Variants in GPR132 observed in about 807,000 individuals in gnomAD.
GPR132 encodes probable G protein-coupled receptor 132.
A neutral mutation model predicts 1.9 loss-of-function variants in GPR132; 4 were observed. The ratio of observed to expected loss-of-function variants is 2.13; its 90% CI spans 1.05 to 4.87. GPR132 has a LOEUF of 4.87. GPR132 is among the 30% of genes most tolerant of loss of function. GPR132 has a pLI of 0.01. For synonymous variants in GPR132, 233 were observed against 234.2 expected (o/e 0.99, Z 0.05); for missense variants, 404 against 512.5 (o/e 0.79, Z 2.04).
chr14:105,061,355 C>T (rs1886937820), intron 1 of GPR132, among the ~76,000 whole-genome samples: 1 of 152,246 alleles, frequency 6.6e-6, no homozygotes, highest in Non-Finnish European at 1.5e-5. Flanking sequence ...CTTCCTGGAC[C>T]AGGGTCCGGG....
intron 3 of GPR132, chr14:105,054,446 CG>C (rs1886734304): frequency 2.6e-6 from 2 of 773,972 alleles, no homozygotes; most frequent in Non-Finnish European, 1.5e-6. Flanking sequence ...TTTTTTGAGA[CG>C]TAGTCTCAAA....
At chr14:105,054,398 G>T (rs1886730776) in intron 3 of GPR132, 2 of 984,698 alleles carry the variant, frequency 2.0e-6, no homozygotes, top group Admixed American at 1.2e-4. Flanking sequence ...GGTCAGCCCT[G>T]CGGCCCCATT....
rs1042479741 is a variant in GPR132, at chr14:105,056,256, G to A, written c.-746-90C>T. ...AAGACACAGGCCTGTGGCGGGCGGC[G>A]GGGGGCAGTGAAGGCAGTTCTCGGG... On this transcript the variant is annotated intron_variant, in intron 2 of 3. Transcript: ENST00000329797. The surrounding 1 kb of genome is among the most constrained non-coding windows in gnomAD (Gnocchi z 6.0). 79 of 756,974 alleles carry A rather than the reference G, an allele frequency of 1.0e-4. No homozygotes were observed. The highest frequency in any genetic ancestry group is 1.9e-4 in the Admixed American group (3 of 15,984). 46.9% of individuals were successfully genotyped at this position (756,974 alleles called of 1,614,324 possible).
chr14:105,051,145 A>G lies in GPR132; in HGVS notation c.992T>C (p.Met331Thr), dbSNP rs768903986. Residue 331 changes from methionine (M) to threonine (T), a missense_variant, in exon 4 of 4, where the codon ATG becomes ACG. Physicochemically the swap from Met to Thr is moderately conservative, Grantham distance 81 (BLOSUM62 -1). Transcript: ENST00000329797. This position sits in a 1 kb window ranked among gnomAD's most constrained non-coding sequence, Gnocchi z 8.0. ...GGTGAGCCTGGTGACGTCTGTCTTC[A>G]TGGACCACTCTTTCCACCCCTTATG... ...RIHKGWKEWS[M>T]KTDVTRLTHS... 3 of 1,614,122 alleles carry G rather than the reference A, an allele frequency of 1.9e-6. No homozygotes were observed. The highest frequency in any genetic ancestry group is 1.3e-5 in the African/African-American group (1 of 75,018).
intron 2 of GPR132, 40 bp downstream of exon 2, chr14:105,057,127 C>T (rs1420332791): frequency 2.7e-6 from 4 of 1,495,808 alleles, no homozygotes; most frequent in Non-Finnish European, 3.6e-6. Flanking sequence ...TTCTCATGGG[C>T]TTCCTCTTAC....
At position 105,050,376 on chromosome 14, in the gene GPR132, G is replaced by A. The variant is rs1886600234; in HGVS notation, c.*618C>T. 1.3e-5 allele frequency: 2 copies of A among 153,572 alleles called. No homozygotes were observed. The highest frequency in any genetic ancestry group is 2.4e-5 in the African/African-American group (1 of 41,472). 9.5% of individuals were successfully genotyped at this position (153,572 alleles called of 1,614,324 possible). A position where few individuals can be genotyped will look rare whatever the true frequency, so the allele number is the denominator to read the frequency against. On this transcript the variant is annotated 3_prime_UTR_variant, in exon 4 of 4. Transcript: ENST00000329797. The surrounding 1 kb of genome is among the most constrained non-coding windows in gnomAD (Gnocchi z 4.0). ...GGGGCTCCCCGTTGAGGACGCCTGGGCTGCGCTCTGGGAGCCAGCAGCTGG... is the reference window on the plus strand; with the variant it reads ...GGGGCTCCCCGTTGAGGACGCCTGGACTGCGCTCTGGGAGCCAGCAGCTGG...
In GPR132 at chr14:105,051,050, C is replaced by T. The variant is rs756464260; in HGVS notation, c.1087G>A (p.Val363Met). 7.6e-5 allele frequency: 123 copies of T among 1,613,986 alleles called. No individual in the cohort carries two copies. In the Admixed American group the frequency reaches 1.3e-3, roughly 17 times the overall value. Residue 363 changes from valine to methionine, a missense_variant, in exon 4 of 4, where the codon GTG becomes ATG. By Grantham distance (21) the Val-to-Met change is conservative. Transcript: ENST00000329797. This position sits in a 1 kb window ranked among gnomAD's most constrained non-coding sequence, Gnocchi z 8.0. ...LADHYTFSRPVHPPGSPCPAK... is the reference protein window; with the variant it reads ...LADHYTFSRPMHPPGSPCPAK... Reference sequence around the variant, plus strand: ...GGGCATGGTGACCCTGGTGGGTGCACGGGCCTGGAGAAGGTGTAGTGGTCT... The same window carrying T: ...GGGCATGGTGACCCTGGTGGGTGCATGGGCCTGGAGAAGGTGTAGTGGTCT...
chr14:105,050,725 G>T lies in GPR132; in HGVS notation c.*269C>A, dbSNP rs1886610095. 2 of 509,026 alleles carry T rather than the reference G, an allele frequency of 3.9e-6. No individual in the cohort carries two copies. The highest frequency in any genetic ancestry group is 1.9e-5 in the African/African-American group (1 of 52,590). The allele number at this position is 509,026 out of a possible 1,614,324, so 31.5% of individuals were successfully genotyped here. On this transcript the variant is annotated 3_prime_UTR_variant, in exon 4 of 4. Coordinates refer to ENST00000329797, the MANE Select transcript of GPR132 (RefSeq NM_013345.4). The surrounding 1 kb of genome is among the most constrained non-coding windows in gnomAD (Gnocchi z 4.0). ...ACAGCCAAGGGAGCCAGCCAGGCAG[G>T]CTGCTGATGAAGAGGCCCCACTGCC...
chr14:105,054,427 CT>C (rs59700022), intron 3 of GPR132: 9,482 of 846,068 alleles, frequency 0.011, no homozygotes, highest in Middle Eastern at 0.018. Flanking sequence ...CTTTTTTTTT[CT>C]TTTTTTTTTT....
Position 105,059,982 on chromosome 14 carries a change from C to T in GPR132, c.-860-2702G>A, listed in dbSNP as rs182019645. On this transcript the variant is annotated intron_variant, in intron 1 of 3. Transcript: ENST00000329797. The surrounding 1 kb of genome is among the most constrained non-coding windows in gnomAD (Gnocchi z 4.2). Reference sequence around the variant, plus strand: ...AAGAAAAGCCATCTCCAAAGTGATGCCCCCTTGGCGGTGGGTGGTGTGGGC... The same window carrying T: ...AAGAAAAGCCATCTCCAAAGTGATGTCCCCTTGGCGGTGGGTGGTGTGGGC... 2.2e-4 allele frequency among the ~76,000 whole-genome samples: 33 copies of T among 152,364 alleles called. No individual in the cohort carries two copies. The highest frequency in any genetic ancestry group is 2.0e-3 in the Admixed American group (31 of 15,306).
intron 3 of GPR132, chr14:105,054,203 C>T (rs1886724910): frequency 8.2e-7 from 1 of 1,222,742 alleles, no homozygotes; most frequent in African/African-American, 1.6e-5. Context: ...CTTATTGGGC[C>T]ACAGCAGCCC....
chr14:105,055,249 C>A lies in GPR132; in HGVS notation c.34+138G>T. The A allele has an allele frequency of 1.4e-6, 1 of 731,874 alleles. No individual in the cohort carries two copies. Among genetic ancestry groups the A allele is most frequent in the Admixed American group, 1.8e-5 (1 of 55,922 alleles). 45.3% of individuals were successfully genotyped at this position (731,874 alleles called of 1,614,324 possible). A position where few individuals can be genotyped will look rare whatever the true frequency, so the allele number is the denominator to read the frequency against. On this transcript the variant is annotated intron_variant, in intron 3 of 3. Transcript: ENST00000329797. This position sits in a 1 kb window ranked among gnomAD's most constrained non-coding sequence, Gnocchi z 4.7. ...GGCTGATGCAGGAGAATCCCTTGAA[C>A]CTGGGAGGCAGAAGCTGCAGTGAGC...
intron 3 of GPR132, among the ~76,000 whole-genome samples, chr14:105,053,534 G>T (rs1886708793): frequency 6.6e-6 from 1 of 152,202 alleles, no homozygotes; most frequent in African/African-American, 2.4e-5. Context: ...GCTCCTGTGG[G>T]AGTGGTGGAT....
At position 105,059,605 on chromosome 14, in the gene GPR132, C is replaced by A. The variant is rs533834388; in HGVS notation, c.-860-2325G>T. On this transcript the variant is annotated intron_variant, in intron 1 of 3. Transcript: ENST00000329797. This position sits in a 1 kb window ranked among gnomAD's most constrained non-coding sequence, Gnocchi z 4.2. ...AGGCGAGAGACAAATGGTTGGGAAG[C>A]CCCCTCCCTGCTTCGAGTTGTCCCC... 1.5e-3 allele frequency among the ~76,000 whole-genome samples: 231 copies of A among 151,840 alleles called. No individual in the cohort carries two copies. Among genetic ancestry groups the A allele is most frequent in the Non-Finnish European group, 2.7e-3 (186 of 67,894 alleles).
chr14:105,056,198 G>C lies in GPR132; in HGVS notation c.-746-32C>G. On this transcript the variant is annotated intron_variant, in intron 2 of 3. Transcript: ENST00000329797. This position sits in a 1 kb window ranked among gnomAD's most constrained non-coding sequence, Gnocchi z 6.0. ...AGAGGGAGAGAGTGGGTGTGACTGG[G>C]CTGCCTCACACTCAGTTGTCACCAC... The C allele has an allele frequency of 1.0e-6, 1 of 984,242 alleles. No homozygotes were observed. Among genetic ancestry groups the C allele is most frequent in the South Asian group, 4.7e-5 (1 of 21,240 alleles). 61.0% of individuals were successfully genotyped at this position (984,242 alleles called of 1,614,324 possible).
chr14:105,061,866 T>C (rs1009770923), intron 1 of GPR132, among the ~76,000 whole-genome samples: 2 of 152,168 alleles, frequency 1.3e-5, no homozygotes, highest in Non-Finnish European at 2.9e-5. Flanking sequence ...CTGAGCCCTG[T>C]GGGAAAGGTC....
At chr14:105,058,256 G>A (rs191845430) in intron 1 of GPR132, among the ~76,000 whole-genome samples, 2 of 152,260 alleles carry the variant, frequency 1.3e-5, no homozygotes, top group East Asian at 1.9e-4. Flanking sequence ...AGCTACCCAG[G>A]AGGCTGAGTT....
Position 105,050,371 on chromosome 14 carries a change from C to G in GPR132, c.*623G>C, listed in dbSNP as rs572900860. On this transcript the variant is annotated 3_prime_UTR_variant, in exon 4 of 4. Coordinates refer to ENST00000329797, the MANE Select transcript of GPR132 (RefSeq NM_013345.4). This position sits in a 1 kb window ranked among gnomAD's most constrained non-coding sequence, Gnocchi z 4.0. ...CATTTGGGGCTCCCCGTTGAGGACG[C>G]CTGGGCTGCGCTCTGGGAGCCAGCA... 1 of 153,580 alleles carries G rather than the reference C, an allele frequency of 6.5e-6. No individual in the cohort carries two copies. The highest frequency in any genetic ancestry group is 2.4e-5 in the African/African-American group (1 of 41,474). The allele number at this position is 153,580 out of a possible 1,614,324, so 9.5% of individuals were successfully genotyped here.
intron 1 of GPR132, among the ~76,000 whole-genome samples, chr14:105,063,123 G>C (rs978038539): frequency 6.6e-6 from 1 of 152,106 alleles, no homozygotes; most frequent in African/African-American, 2.4e-5. Context: ...GTTTCCCTAT[G>C]TTACCCAGGC....
Sources: allele counts gnomAD v4.1 joint callset (sites outside exome capture counted in the v4.1 genomes callset), GRCh38; gene constraint gnomAD v4.1.1; non-coding constraint Gnocchi (gnomAD v3.1); transcripts MANE v1.5; gene names NCBI Gene and HGNC (gene_info 2026-07-23, HGNC 2026-07-21).